PDZD9: variants seen among roughly 807,000 people sequenced by gnomAD.
PDZD9 encodes the protein PDZ domain-containing protein 9.
PDZD9 carries 13 observed loss-of-function variants against 16.3 expected under a neutral mutation model. That is an observed-to-expected ratio of 0.80 (90% CI 0.52 to 1.27). PDZD9 has a LOEUF of 1.27. Ranked by LOEUF, PDZD9 falls within the 50% of genes most tolerant of loss-of-function variation. The probability of loss-of-function intolerance (pLI) is 0.00; values close to 1 mark genes in which losing one functional copy is unlikely to be tolerated. For synonymous variants in PDZD9, 120 were observed against 111.0 expected (o/e 1.08, Z -0.51); for missense variants, 288 against 310.9 (o/e 0.93, Z 0.55).
the PDZD9 span, among the ~76,000 whole-genome samples, chr16:21,958,790 G>C: frequency 6.6e-6 from 1 of 152,076 alleles, no homozygotes; most frequent in African/African-American, 2.4e-5. Context: ...AACTGTCTGG[G>C]AGTAGATATC....
chr16:22,000,985 GCTT>G (rs1899286601), intron 1 of PDZD9, 29 bp downstream of exon 1: 7 of 1,531,520 alleles, frequency 4.6e-6, no homozygotes, highest in Non-Finnish European at 6.1e-6. Flanking sequence ...GGTCCCCAGG[GCTT>G]CTTCACCCGC....
At chr16:21,962,462 T>G in the PDZD9 span, 1 of 1,614,186 alleles carries the variant, frequency 6.2e-7, no homozygotes, top group Non-Finnish European at 8.5e-7. Flanking sequence ...CGATTCAGTG[T>G]GACCGCAACA....
At chr16:21,992,669 C>T (rs1899051585) in intron 2 of PDZD9, among the ~76,000 whole-genome samples, 1 of 152,210 alleles carries the variant, frequency 6.6e-6, no homozygotes. Flanking sequence ...GACTCTTGGA[C>T]TTACACCAGT....
downstream of PDZD9, among the ~76,000 whole-genome samples, chr16:21,979,775 C>G (rs900832622): frequency 2.0e-5 from 3 of 152,138 alleles, no homozygotes; most frequent in East Asian, 5.8e-4. Context: ...TAAAATTGCA[C>G]TACAACATTA....
At chr16:21,995,933 A>G (rs991430446) in intron 2 of PDZD9, among the ~76,000 whole-genome samples, 4 of 152,220 alleles carry the variant, frequency 2.6e-5, no homozygotes, top group Non-Finnish European at 5.9e-5. Flanking sequence ...CTGGCATTAC[A>G]GGCATGTGCC....
At chr16:21,962,780 CT>C in the PDZD9 span, 1 of 1,614,056 alleles carries the variant, frequency 6.2e-7, no homozygotes, top group Non-Finnish European at 8.5e-7. Context: ...AATGGAGTTC[CT>C]GCTCAATGTC....
chr16:21,994,958 G>A lies in PDZD9; in HGVS notation c.211+1364C>T, dbSNP rs191562799. On this transcript the variant is annotated intron_variant, in intron 2 of 3. Coordinates refer to ENST00000424898, the MANE Select transcript of PDZD9 (RefSeq NM_001363519.1). ...TGATCCTCCCACCTCAGCCTCCTGA[G>A]TAGCTAGGATTACGGGCACGCACCA... Among the ~76,000 whole-genome samples, 366 of 152,022 alleles carry A rather than the reference G, an allele frequency of 2.4e-3. 3 individuals carry two copies. The highest frequency in any genetic ancestry group is 8.2e-3 in the African/African-American group (342 of 41,474).
chr16:21,977,689 T>G, the PDZD9 span, among the ~76,000 whole-genome samples: 2 of 152,216 alleles, frequency 1.3e-5, no homozygotes, highest in Non-Finnish European at 2.9e-5. Flanking sequence ...ACATTTAAGT[T>G]TGACTCCATC....
chr16:21,988,505 TC>T (rs1432242120), intron 3 of PDZD9, 96 bp downstream of exon 3: 9 of 1,034,354 alleles, frequency 8.7e-6, no homozygotes, highest in Non-Finnish European at 1.3e-5. Flanking sequence ...CCTGTCATGA[TC>T]CTTATCATTT....
chr16:21,958,430 G>A, the PDZD9 span: 1 of 999,734 alleles, frequency 1.0e-6, no homozygotes, highest in Non-Finnish European at 1.5e-6. Context: ...CAGGAATTTA[G>A]TAAAATTCTT....
At position 21,985,213 on chromosome 16, in the gene PDZD9, C is replaced by G. The variant is rs1379579510; in HGVS notation, c.402-553G>C. 3.9e-5 allele frequency among the ~76,000 whole-genome samples: 6 copies of G among 152,146 alleles called. 1 individual carries two copies. The highest frequency in any genetic ancestry group is 3.2e-3 in the Middle Eastern group (1 of 316). ...CACTGCAACCTTGAATTCCTGGGCT[C>G]AAGTGACCCTCTGGCCTCTGCTTCC... On this transcript the variant is annotated intron_variant, in intron 3 of 3. Coordinates refer to ENST00000424898, the MANE Select transcript of PDZD9 (RefSeq NM_001363519.1).
chr16:21,984,787 T>A, intron 3 of PDZD9, 127 bp from the exon 4 acceptor site: 1 of 620,962 alleles, frequency 1.6e-6, no homozygotes, highest in Non-Finnish European at 2.4e-6. Context: ...ATTACCTTTC[T>A]GTGTCATTGA....
At position 21,984,505 on chromosome 16, in the gene PDZD9, C is replaced by A; in HGVS notation, c.557G>T (p.Trp186Leu). The stretch of plus-strand genomic sequence containing the variant: ...ATGGTTCTTCTTCTTATATCCATGC[C>A]AGTCTCTGGAGATGGATATTGGTCT... ...ARRPISISRD[W>L]HGYKKKNHTI... Residue 186 changes from tryptophan (W) to leucine (L), a missense_variant, in exon 4 of 4, where the codon TGG (tryptophan) becomes TTG (leucine). Trp to Leu is a moderately conservative substitution (Grantham distance 61). Coordinates refer to ENST00000424898, the MANE Select transcript of PDZD9 (RefSeq NM_001363519.1). 1 of 1,608,776 alleles carries A rather than the reference C, an allele frequency of 6.2e-7. No individual in the cohort carries two copies. Among genetic ancestry groups the A allele is most frequent in the Non-Finnish European group, 8.5e-7 (1 of 1,175,518 alleles).
rs7189791 is a variant in PDZD9 at position 21,984,180 on chromosome 16, G to A, written c.*87C>T. 5,836 of 1,420,776 alleles carry A rather than the reference G, an allele frequency of 4.1e-3. 199 individuals are homozygous for A. The African/African-American group carries it at 0.071, about 17-fold the overall frequency. The allele number at this position is 1,420,776 out of a possible 1,614,324, so 88.0% of individuals were successfully genotyped here. ...AAGAGAATTGGTGAGTCTACAGACA[G>A]TCCTTGATAAGTACAGCAAACTTGT... On this transcript the variant is annotated 3_prime_UTR_variant, in exon 4 of 4. Coordinates refer to ENST00000424898, the MANE Select transcript of PDZD9 (RefSeq NM_001363519.1).
chr16:21,971,532 T>C, the PDZD9 span: 3 of 1,613,456 alleles, frequency 1.9e-6, no homozygotes, highest in African/African-American at 4.0e-5. Context: ...CAGGTGTGAG[T>C]CATCCTGTTC....
At chr16:21,993,017 T>C (rs1899062161) in intron 2 of PDZD9, among the ~76,000 whole-genome samples, 1 of 152,248 alleles carries the variant, frequency 6.6e-6, no homozygotes, top group South Asian at 2.1e-4. Flanking sequence ...CCTGCCGCCT[T>C]GTGAAGAAAA....
chr16:21,973,186 T>C, the PDZD9 span, among the ~76,000 whole-genome samples: 1 of 152,360 alleles, frequency 6.6e-6, no homozygotes, highest in East Asian at 1.9e-4. Context: ...TCCAAGTTTA[T>C]TGTACATAAG....
At chr16:21,982,824 G>A (rs995776418), downstream of PDZD9, among the ~76,000 whole-genome samples, 6 of 152,074 alleles carry the variant, frequency 3.9e-5, no homozygotes, top group Admixed American at 3.9e-4. Context: ...AATTAGCTGG[G>A]CATAGTGATA....
chr16:21,999,015 C>A, intron 1 of PDZD9: 2 of 197,572 alleles, frequency 1.0e-5, no homozygotes, highest in East Asian at 2.4e-4. Flanking sequence ...TTACAAAACC[C>A]TCTGAAAAAA....
Sources: allele counts gnomAD v4.1 joint callset (sites outside exome capture counted in the v4.1 genomes callset), GRCh38; gene constraint gnomAD v4.1.1; transcripts MANE v1.5; gene names NCBI Gene and HGNC (gene_info 2026-07-23, HGNC 2026-07-21).